The following PNO1 variants were observed in gnomAD, a reference collection of about 807,000 sequenced individuals.
The protein encoded by PNO1 is RNA-binding protein PNO1.
PNO1 carries 16 observed loss-of-function variants against 28.4 expected under a neutral mutation model. The observed-to-expected ratio is 0.56, with a 90% confidence interval of 0.38 to 0.85. The LOEUF is 0.85. Among genes scored for constraint, PNO1 ranks in the 40% least tolerant of loss-of-function variants. The pLI, the probability that PNO1 is intolerant of heterozygous loss-of-function variation, is 0.00. For missense variants in PNO1, 304 were observed against 312.2 expected, an observed-to-expected ratio of 0.97 and a Z score of 0.20; for synonymous variants, 115 against 110.8, an observed-to-expected ratio of 1.04 and a Z score of -0.24.
Position 68,157,892 on chromosome 2 carries a change from C to G in PNO1, c.-43C>G, listed in dbSNP as rs1673695430. 1.3e-6 allele frequency: 2 copies of G among 1,569,648 alleles called. No individual in the cohort carries two copies. The highest frequency in any genetic ancestry group is 4.5e-5 in the East Asian group (2 of 44,650). On this transcript the variant is annotated 5_prime_UTR_variant, in exon 1 of 7. Transcript: ENST00000263657. ...TGAGGCTGGCTTCTGCGTGGTGCAG[C>G]TGCGCACGTGTTTCAGCCGGCAGCG...
rs1674242390 is a variant in PNO1, at chr2:68,175,157, C to T, written c.*355C>T. The T allele has an allele frequency of 6.2e-6, 1 of 161,150 alleles. No homozygotes were observed. The highest frequency in any genetic ancestry group is 1.3e-5 in the Non-Finnish European group (1 of 74,104). The allele number at this position is 161,150 out of a possible 1,614,324, so 10.0% of individuals were successfully genotyped here. On this transcript the variant is annotated 3_prime_UTR_variant, in exon 7 of 7. Coordinates refer to ENST00000263657, the MANE Select transcript of PNO1 (RefSeq NM_020143.4). ...TACTTTTATATTTATAAATTTATAA[C>T]TTCATACAAATTTATAAACATTTCT... is the stretch of plus-strand genomic sequence containing the variant.
At chr2:68,165,383 C>CA (rs70949677) in intron 5 of PNO1, among the ~76,000 whole-genome samples, 35 of 93,344 alleles carry the variant, frequency 3.7e-4, no homozygotes, top group East Asian at 1.9e-3. Context: ...AAAAAAACAA[C>CA]AAAAAAAAAA....
Position 68,175,009 on chromosome 2 carries a change from G to T in PNO1, c.*207G>T. On this transcript the variant is annotated 3_prime_UTR_variant, in exon 7 of 7. Transcript: ENST00000263657. ...TAGGATAATTTAAATATCAAAAATT[G>T]ATTGTTATACTTAACACATTAGGTA... The T allele has an allele frequency of 2.5e-6, 1 of 398,938 alleles. No homozygotes were observed. The highest frequency in any genetic ancestry group is 4.1e-6 in the Non-Finnish European group (1 of 242,644). The allele number at this position is 398,938 out of a possible 1,614,324, so 24.7% of individuals were successfully genotyped here. A position where few individuals can be genotyped will look rare whatever the true frequency, so the allele number is the denominator to read the frequency against.
At position 68,175,869 on chromosome 2, in the gene PNO1, G is replaced by A. The variant is rs1674267861; in HGVS notation, c.*1067G>A. 1 of 152,104 alleles carries A rather than the reference G, an allele frequency of 6.6e-6. No homozygotes were observed. Among genetic ancestry groups the A allele is most frequent in the South Asian group, 2.1e-4 (1 of 4,830 alleles). 9.4% of individuals were successfully genotyped at this position (152,104 alleles called of 1,614,324 possible). ...CATCATAGCTTAGCCTACCTTAAAA[G>A]GGCTCCGAACACTACATTAGCCTAC... On this transcript the variant is annotated 3_prime_UTR_variant, in exon 7 of 7. Coordinates refer to ENST00000263657, the MANE Select transcript of PNO1 (RefSeq NM_020143.4).
chr2:68,161,084 A>G (rs1673817022), intron 2 of PNO1: 1 of 401,782 alleles, frequency 2.5e-6, no homozygotes, highest in African/African-American at 2.1e-5. Flanking sequence ...TATGGTGTGT[A>G]AAGCATGTTA....
intron 5 of PNO1, among the ~76,000 whole-genome samples, chr2:68,168,461 G>A (rs775307168): frequency 6.6e-5 from 10 of 152,214 alleles, no homozygotes; most frequent in Non-Finnish European, 1.3e-4. Flanking sequence ...GGAACAGAGT[G>A]TGGGAAGAGG....
chr2:68,165,363 CAAAAAA>C (rs770897170), intron 5 of PNO1, among the ~76,000 whole-genome samples: 2 of 24,836 alleles, frequency 8.1e-5, no homozygotes, highest in African/African-American at 2.0e-4. Flanking sequence ...GACTCCGTCT[CAAAAAA>C]AAAAAAAAAA....
rs1409594608 is a variant in PNO1 at position 68,157,948 on chromosome 2, T to C, written c.14T>C (p.Met5Thr). ...AGATTTCCGGGGATGGAATCCGAAATGGAAACGCAGAGCGCCAGGGCAGAG... is the reference window on the plus strand; with the variant it reads ...AGATTTCCGGGGATGGAATCCGAAACGGAAACGCAGAGCGCCAGGGCAGAG... MESE[M>T]ETQSARAEEG... Residue 5 changes from methionine to threonine, a missense_variant, in exon 1 of 7, where the codon ATG becomes ACG. Met to Thr is a moderately conservative substitution (Grantham distance 81). Coordinates refer to ENST00000263657, the MANE Select transcript of PNO1 (RefSeq NM_020143.4). 10 of 1,613,818 alleles carry C rather than the reference T, an allele frequency of 6.2e-6. No individual in the cohort carries two copies. The highest frequency in any genetic ancestry group is 5.0e-5 in the Admixed American group (3 of 60,002).
At chr2:68,158,185 A>G (rs778137727) in intron 1 of PNO1, 44 bp downstream of exon 1, 2 of 1,525,904 alleles carry the variant, frequency 1.3e-6, no homozygotes, top group Non-Finnish European at 1.8e-6. Context: ...CAAGGGCCAG[A>G]CGCGGATCAA....
chr2:68,163,774 A>G (rs1673906125), intron 5 of PNO1, among the ~76,000 whole-genome samples: 1 of 152,164 alleles, frequency 6.6e-6, no homozygotes, highest in South Asian at 2.1e-4. Context: ...CATAAACAAG[A>G]TGAGAGGGGC....
At chr2:68,161,854 G>T (rs1387101483) in intron 3 of PNO1, 88 bp downstream of exon 3, 2 of 851,120 alleles carry the variant, frequency 2.3e-6, no homozygotes, top group African/African-American at 3.4e-5. Flanking sequence ...AAAAAAAAAG[G>T]CCAGGCACAG....
At position 68,175,573 on chromosome 2, in the gene PNO1, TATTTGAGAGGTCATAAGC is replaced by T. The variant is rs1179701685; in HGVS notation, c.*773_*790del. ...ACTGCGCCTGGCCTTGATGTGTGAA[TATTTGAGAGGTCATAAGC>T]AGTGGTTTTGGCCATACCGTATTAT... is the stretch of plus-strand genomic sequence containing the variant. On this transcript the variant is annotated 3_prime_UTR_variant, in exon 7 of 7. Transcript: ENST00000263657. 4 of 152,274 alleles carry T rather than the reference TATTTGAGAGGTCATAAGC, an allele frequency of 2.6e-5. No individual in the cohort carries two copies. Among genetic ancestry groups the T allele is most frequent in the Non-Finnish European group, 5.9e-5 (4 of 68,096 alleles). 9.4% of individuals were successfully genotyped at this position (152,274 alleles called of 1,614,324 possible).
chr2:68,166,558 C>T (rs1288272630), intron 5 of PNO1, among the ~76,000 whole-genome samples: 4 of 151,976 alleles, frequency 2.6e-5, no homozygotes, highest in East Asian at 1.9e-4. Flanking sequence ...ATGTGGAAGG[C>T]GAGGCAGGAG....
intron 5 of PNO1, among the ~76,000 whole-genome samples, chr2:68,168,705 G>T (rs138024824): frequency 5.3e-5 from 8 of 152,070 alleles, no homozygotes; most frequent in Non-Finnish European, 1.2e-4. Context: ...TTGCCTGGGC[G>T]CCTAGGGGCT....
rs1411013082 is a variant in PNO1 at position 68,158,015 on chromosome 2, G to A, written c.81G>A (p.Ala27=). Residue 27 remains alanine, a synonymous_variant, in exon 1 of 7, where the codon GCG becomes GCA. Transcript: ENST00000263657. ...TCACCCGCAAGGGTGGCCGACGGGC[G>A]AAGAAACGACAGGCTGAACAGCTGT... ...TQVTRKGGRR[A]KKRQAEQLSA... 6.2e-7 allele frequency: 1 copy of A among 1,614,190 alleles called. No homozygotes were observed. The highest frequency in any genetic ancestry group is 2.2e-5 in the East Asian group (1 of 44,884).
At chr2:68,161,468 G>T in intron 2 of PNO1, 1 of 539,684 alleles carries the variant, frequency 1.9e-6, no homozygotes, top group South Asian at 2.0e-5. Context: ...CACTCTTTGG[G>T]TGGAACAGCC....
In PNO1 at chr2:68,174,868, C is replaced by A; in HGVS notation, c.*66C>A. On this transcript the variant is annotated 3_prime_UTR_variant, in exon 7 of 7. Transcript: ENST00000263657. ...TGAAAAATACTTTACAGTGGTCGGT[C>A]ACAAGAAACCAGCTGAACAATTTCA... 2 of 974,184 alleles carry A rather than the reference C, an allele frequency of 2.1e-6. No individual in the cohort carries two copies. The highest frequency in any genetic ancestry group is 1.4e-5 in the South Asian group (1 of 71,628). The allele number at this position is 974,184 out of a possible 1,614,324, so 60.3% of individuals were successfully genotyped here. A position where few individuals can be genotyped will look rare whatever the true frequency, so the allele number is the denominator to read the frequency against.
At chr2:68,168,077 A>G (rs1012253575) in intron 5 of PNO1, among the ~76,000 whole-genome samples, 1 of 152,358 alleles carries the variant, frequency 6.6e-6, no homozygotes, top group East Asian at 1.9e-4. Context: ...CAGGCTGGAA[A>G]GTATAGCCTT....
chr2:68,165,368 AAAAAAAAAAAACAAC>A (rs1553401396), intron 5 of PNO1, among the ~76,000 whole-genome samples: 5 of 95,870 alleles, frequency 5.2e-5, no homozygotes, highest in Admixed American at 1.0e-4. Flanking sequence ...CGTCTCAAAA[AAAAAAAAAAAACAAC>A]AAAAAAAAAA....
Sources: gnomAD v4.1 joint callset for allele counts (sites outside exome capture counted in the v4.1 genomes callset) on GRCh38, gnomAD v4.1.1 for gene constraint, MANE v1.5 for transcripts, NCBI Gene and HGNC (gene_info 2026-07-23, HGNC 2026-07-21) for gene names.